CIMAP2: variants seen among roughly 807,000 people sequenced by gnomAD.
The protein encoded by CIMAP2 is ciliary microtubule associated protein 2, also known as ciliary microtubule-associated protein 2.
the CIMAP2 span, among the ~76,000 whole-genome samples, chr1:54,837,217 G>A: frequency 8.6e-5 from 13 of 152,012 alleles, no homozygotes; most frequent in Non-Finnish European, 1.8e-4. Flanking sequence ...CCCAAATGAC[G>A]TCAGCATTTA....
At chr1:54,814,071 G>A in the CIMAP2 span, 1 of 1,391,890 alleles carries the variant, frequency 7.2e-7, no homozygotes, top group Non-Finnish European at 9.7e-7. Flanking sequence ...ATAGGGAATA[G>A]CTCAGTCTTG....
At chr1:54,829,829 TC>T in the CIMAP2 span, among the ~76,000 whole-genome samples, 1 of 152,200 alleles carries the variant, frequency 6.6e-6, no homozygotes, top group East Asian at 1.9e-4. Flanking sequence ...ATTAATATAT[TC>T]TTTTTGAAGA....
chr1:54,825,662 G>A, the CIMAP2 span, among the ~76,000 whole-genome samples: 1 of 152,144 alleles, frequency 6.6e-6, no homozygotes, highest in Non-Finnish European at 1.5e-5. Context: ...GTCTGGGCGG[G>A]CTGGTCCTCA....
At chr1:54,834,185 C>A in the CIMAP2 span, among the ~76,000 whole-genome samples, 1 of 152,184 alleles carries the variant, frequency 6.6e-6, no homozygotes, top group African/African-American at 2.4e-5. Context: ...GTTTGGAAAA[C>A]TCCTATTCAC....
the CIMAP2 span, among the ~76,000 whole-genome samples, chr1:54,822,951 T>C: frequency 1.9e-4 from 29 of 152,342 alleles, no homozygotes; most frequent in East Asian, 4.8e-3. Context: ...GGTATGATTT[T>C]GATTTTTAAA....
chr1:54,818,631 GC>G, the CIMAP2 span, among the ~76,000 whole-genome samples: 1 of 151,758 alleles, frequency 6.6e-6, no homozygotes, highest in African/African-American at 2.4e-5. Context: ...TCACTCTGAC[GC>G]CCAGCCTGGA....
the CIMAP2 span, chr1:54,807,671 T>C: frequency 6.2e-7 from 1 of 1,601,286 alleles, no homozygotes; most frequent in Non-Finnish European, 8.5e-7. Context: ...CAGGCCATCA[T>C]GAAAGAGAAG....
the CIMAP2 span, chr1:54,816,858 A>G: frequency 6.3e-6 from 8 of 1,274,320 alleles, no homozygotes; most frequent in Non-Finnish European, 7.5e-6. Context: ...GGACCTCAAC[A>G]TATCTTTTTG....
chr1:54,824,724 T>G, the CIMAP2 span, among the ~76,000 whole-genome samples: 4 of 151,732 alleles, frequency 2.6e-5, no homozygotes, highest in Non-Finnish European at 2.9e-5. Flanking sequence ...CTAGGATTTC[T>G]GTTTGGTTCC....
chr1:54,806,105 C>G, the CIMAP2 span: 14 of 1,515,860 alleles, frequency 9.2e-6, no homozygotes, highest in East Asian at 3.3e-4. Context: ...GCGGGCAGCG[C>G]GCAGGCCTGC....
chr1:54,826,051 C>T, the CIMAP2 span, among the ~76,000 whole-genome samples: 1 of 152,176 alleles, frequency 6.6e-6, no homozygotes, highest in Admixed American at 6.5e-5. Flanking sequence ...TGTCTAAGGG[C>T]TCCCTGACGG....
At chr1:54,811,765 G>GCCGGGGGGGGGGGGGGCCGGCCCCCCCCC in the CIMAP2 span, 1 of 1,301,332 alleles carries the variant, frequency 7.7e-7, no homozygotes, top group Non-Finnish European at 1.1e-6. Flanking sequence ...GGTTCTGACA[G>GCCGGGGGGGGGGGGGGCCGGCCCCCCCCC]CCTCCATGCC....
At chr1:54,841,487 G>C in the CIMAP2 span, 1 of 1,439,136 alleles carries the variant, frequency 6.9e-7, no homozygotes, top group Non-Finnish European at 9.4e-7. Flanking sequence ...TCTGGTCCTT[G>C]GTCTTCCTCT....
At chr1:54,835,951 A>G in the CIMAP2 span, among the ~76,000 whole-genome samples, 2 of 152,018 alleles carry the variant, frequency 1.3e-5, no homozygotes, top group Non-Finnish European at 2.9e-5. Context: ...ACCATGACCC[A>G]TCTTCCTGCC....
chr1:54,806,109 G>GCA, the CIMAP2 span: 1 of 1,524,822 alleles, frequency 6.6e-7, no homozygotes, highest in East Asian at 2.5e-5. Context: ...GCAGCGCGCA[G>GCA]GCCTGCCATG....
the CIMAP2 span, chr1:54,811,773 G>GCTCC: frequency 1.4e-5 from 18 of 1,325,050 alleles, no homozygotes; most frequent in South Asian, 3.9e-5. Context: ...CAGCCTCCAT[G>GCTCC]CCCCCACCCC....
At chr1:54,828,243 A>C in the CIMAP2 span, among the ~76,000 whole-genome samples, 10 of 152,384 alleles carry the variant, frequency 6.6e-5, no homozygotes, top group East Asian at 1.9e-3. Context: ...AAAAACAGGC[A>C]ACAAAGTGTA....
the CIMAP2 span, among the ~76,000 whole-genome samples, chr1:54,839,258 G>A: frequency 1.3e-5 from 2 of 152,098 alleles, no homozygotes; most frequent in African/African-American, 4.8e-5. Flanking sequence ...GAATAGTGGA[G>A]AATAAGGCAG....
the CIMAP2 span, among the ~76,000 whole-genome samples, chr1:54,835,764 C>A: frequency 6.6e-6 from 1 of 152,046 alleles, no homozygotes; most frequent in Non-Finnish European, 1.5e-5. Flanking sequence ...GGGCACTCAC[C>A]CACCTCCCCA....
Sources: gnomAD v4.1 joint callset for allele counts (sites outside exome capture counted in the v4.1 genomes callset) on GRCh38, gnomAD v4.1.1 for gene constraint, MANE v1.5 for transcripts, NCBI Gene and HGNC (gene_info 2026-07-23, HGNC 2026-07-21) for gene names.